The following ANK2 variants were observed in gnomAD, a reference collection of about 807,000 sequenced individuals.
The protein encoded by ANK2 is ankyrin 2, also known as ankyrin-2.
Under a neutral mutation model 360.5 loss-of-function variants are expected in ANK2, and 83 were observed. The observed-to-expected ratio is 0.23, with a 90% confidence interval of 0.19 to 0.28. The LOEUF (loss-of-function observed/expected upper bound fraction) is 0.28. Among genes scored for constraint, ANK2 ranks in the 10% least tolerant of loss-of-function variants. The pLI is 1.00. For missense variants in ANK2, 4,201 were observed against 4,795.7 expected, an observed-to-expected ratio of 0.88 and a Z score of 3.66; for synonymous variants, 1,740 against 1,759.5, an observed-to-expected ratio of 0.99 and a Z score of 0.28.
At chr4:113,063,375 A>G (rs2074318631) in intron 1 of ANK2, among the ~76,000 whole-genome samples, 1 of 152,152 alleles carries the variant, frequency 6.6e-6, no homozygotes, top group Non-Finnish European at 1.5e-5. Context: ...TTTCTCAGAA[A>G]ACATATGGTA....
At chr4:113,271,122 T>G (rs930716922) in intron 14 of ANK2, among the ~76,000 whole-genome samples, 5 of 152,220 alleles carry the variant, frequency 3.3e-5, no homozygotes, top group African/African-American at 9.7e-5. Flanking sequence ...TTCTCCTAAC[T>G]CTTTCTGCTA....
intron 2 of ANK2, among the ~76,000 whole-genome samples, chr4:112,914,875 G>A (rs1482876992): frequency 6.6e-6 from 1 of 152,132 alleles, no homozygotes; most frequent in African/African-American, 2.4e-5. Flanking sequence ...TCTGTTGGGG[G>A]AAAAGTCTGT....
intron 26 of ANK2, among the ~76,000 whole-genome samples, chr4:113,319,695 C>G (rs1180933606): frequency 1.3e-5 from 2 of 151,644 alleles, no homozygotes; most frequent in African/African-American, 2.4e-5. Context: ...TACTTTTTTC[C>G]TTGTTAAATA....
chr4:112,900,760 C>A lies in ANK2; in HGVS notation c.-39-3695C>A, dbSNP rs566940932. On this transcript the variant is annotated intron_variant, in intron 1 of 30. Transcript: ENST00000503271. Reference sequence around the variant, plus strand: ...TCAAAACTCAGCTTAAGTTTCATCACCTCTGTGAAGATTACCCTCCACCAA... The same window carrying A: ...TCAAAACTCAGCTTAAGTTTCATCAACTCTGTGAAGATTACCCTCCACCAA... Among the ~76,000 whole-genome samples the A allele has an allele frequency of 5.9e-5, 9 of 152,320 alleles. No individual in the cohort carries two copies. The East Asian group carries it at 1.7e-3, about 29-fold the overall frequency.
At chr4:112,713,346 G>C in the ANK2 span, among the ~76,000 whole-genome samples, 1 of 152,224 alleles carries the variant, frequency 6.6e-6, no homozygotes. Flanking sequence ...GAGGTGGGCA[G>C]ATCACCGGAG....
chr4:112,720,198 C>G, the ANK2 span, among the ~76,000 whole-genome samples: 2 of 152,170 alleles, frequency 1.3e-5, no homozygotes, highest in Non-Finnish European at 1.5e-5. Context: ...TTATCCACTC[C>G]TGTAGCTTCT....
chr4:112,872,823 G>A (rs2073703437), intron 1 of ANK2, among the ~76,000 whole-genome samples: 1 of 152,084 alleles, frequency 6.6e-6, no homozygotes, highest in Non-Finnish European at 1.5e-5. Flanking sequence ...GAATTTACCA[G>A]TGAAGCCATC....
Position 113,354,505 on chromosome 4 carries a change from G to T in ANK2, c.5887G>T (p.Val1963Leu), listed in dbSNP as rs771735662. The change falls in exon 38 of 46, where the codon GTG becomes TTG. Residue 1963 changes from valine to leucine, a missense_variant. By Grantham distance (32) the Val-to-Leu change is conservative (BLOSUM62 1). Transcript: ENST00000357077. ...TAGKTEKHLP[V>L]SPSGKTEKQP... ...TGGGAAAACTGAGAAGCACCTGCCT[G>T]TGTCACCTTCTGGCAAAACAGAAAA... The T allele has an allele frequency of 3.1e-6, 5 of 1,614,138 alleles. No individual in the cohort carries two copies. In the Admixed American group the frequency reaches 8.3e-5, roughly 27 times the overall value.
intron 2 of ANK2, among the ~76,000 whole-genome samples, chr4:113,033,244 C>T (rs1414021629): frequency 2.6e-5 from 4 of 151,986 alleles, no homozygotes; most frequent in Non-Finnish European, 5.9e-5. Context: ...AGGATTACAA[C>T]CTCAGAAGTC....
chr4:113,354,811 A>G lies in ANK2; in HGVS notation c.6193A>G (p.Lys2065Glu). 1 of 1,614,178 alleles carries G rather than the reference A, an allele frequency of 6.2e-7. No individual in the cohort carries two copies. The highest frequency in any genetic ancestry group is 1.6e-4 in the Middle Eastern group (1 of 6,062). ...RLPVTGTAES[K>E]RGVRVSSIGV... ...CCCGGTAACGGGCACAGCAGAATCC[A>G]AAAGAGGAGTTCGTGTTTCCTCCAT... The change falls in exon 38 of 46, where the codon AAA (lysine) becomes GAA (glutamate). Residue 2065 changes from lysine to glutamate, a missense_variant. This residue lies in a region of ANK2 where 2,642 missense variants were observed against 2,714.5 expected (regional missense o/e 0.97). Transcript: ENST00000357077.
chr4:113,159,191 C>CA (rs372222957), intron 1 of ANK2, among the ~76,000 whole-genome samples: 2 of 141,942 alleles, frequency 1.4e-5, no homozygotes, highest in Admixed American at 7.1e-5. Flanking sequence ...CTCTTTCCTT[C>CA]CACACACACA....
rs564325353 is a variant in ANK2, at chr4:112,863,468, G to A, written c.-39-40987G>A. On this transcript the variant is annotated intron_variant, in intron 1 of 30. Transcript: ENST00000503271. Reference sequence around the variant, plus strand: ...AAAAAATTACAAAATATTGGTTTTTGGAAATTCTTACATAATTTTGTAGAA... The same window carrying A: ...AAAAAATTACAAAATATTGGTTTTTAGAAATTCTTACATAATTTTGTAGAA... Among the ~76,000 whole-genome samples, 5 of 149,092 alleles carry A rather than the reference G, an allele frequency of 3.4e-5. No individual in the cohort carries two copies. The South Asian group carries it at 1.1e-3, about 32-fold the overall frequency.
intron 14 of ANK2, among the ~76,000 whole-genome samples, chr4:113,273,215 A>G (rs972251553): frequency 1.3e-5 from 2 of 152,196 alleles, no homozygotes; most frequent in Non-Finnish European, 2.9e-5. Context: ...GTAACCTTGG[A>G]CAATCTTTGA....
chr4:113,233,137 T>C (rs1275788414), intron 5 of ANK2, among the ~76,000 whole-genome samples: 1 of 38,840 alleles, frequency 2.6e-5, no homozygotes, highest in East Asian at 7.9e-4. Flanking sequence ...TTTTTTTTTT[T>C]TTTTTTTTTT....
At chr4:113,226,929 A>G (rs1461660677) in intron 4 of ANK2, among the ~76,000 whole-genome samples, 1 of 152,202 alleles carries the variant, frequency 6.6e-6, no homozygotes, top group African/African-American at 2.4e-5. Context: ...AAAGGAGAAA[A>G]TGCATCTATT....
the ANK2 span, among the ~76,000 whole-genome samples, chr4:112,800,937 G>A: frequency 2.0e-5 from 3 of 152,142 alleles, no homozygotes; most frequent in Non-Finnish European, 4.4e-5. Context: ...TCACAGACAG[G>A]AGCCACTGCA....
intron 42 of ANK2, among the ~76,000 whole-genome samples, chr4:113,369,262 T>C (rs191358597): frequency 1.8e-4 from 28 of 152,320 alleles, no homozygotes; most frequent in Non-Finnish European, 2.8e-4. Context: ...GTAACTGTAA[T>C]ACATTTTAGG....
intron 1 of ANK2, among the ~76,000 whole-genome samples, chr4:113,077,843 A>G (rs532449625): frequency 2.6e-4 from 39 of 152,366 alleles, no homozygotes; most frequent in Admixed American, 4.6e-4. Flanking sequence ...TCTGAAGAGC[A>G]GGCCTGCCCC....
the ANK2 span, among the ~76,000 whole-genome samples, chr4:112,778,796 A>C: frequency 2.0e-5 from 3 of 152,218 alleles, no homozygotes; most frequent in East Asian, 5.8e-4. Context: ...CCAGTACACC[A>C]TTGGCTGCAA....
Sources: gnomAD v4.1 joint callset for allele counts (sites outside exome capture counted in the v4.1 genomes callset) on GRCh38, gnomAD v4.1.1 for gene constraint, gnomAD v4.1.1 regional missense constraint, MANE v1.5 for transcripts, NCBI Gene and HGNC (gene_info 2026-07-23, HGNC 2026-07-21) for gene names.